RANBP17: variants seen among roughly 807,000 people sequenced by gnomAD.
The protein encoded by RANBP17 is ran-binding protein 17.
A neutral mutation model predicts 141.2 loss-of-function variants in RANBP17; 158 were observed. The observed-to-expected ratio is 1.12, with a 90% CI of 0.98 to 1.28. The LOEUF (loss-of-function observed/expected upper bound fraction) is 1.28, where lower values mean the gene tolerates loss of function less well. RANBP17 is among the 50% of genes most tolerant of loss of function. RANBP17 has a pLI of 0.00. For synonymous variants in RANBP17, 430 were observed against 450.0 expected, an observed-to-expected ratio of 0.96 and a Z score of 0.56; for missense variants, 1,438 against 1,290.7, an observed-to-expected ratio of 1.11 and a Z score of -1.75.
chr5:171,182,941 T>G (rs1760958507), intron 16 of RANBP17, among the ~76,000 whole-genome samples: 1 of 152,234 alleles, frequency 6.6e-6, no homozygotes, highest in Non-Finnish European at 1.5e-5. Flanking sequence ...AAATTCATTC[T>G]TTCTTTCCAT....
At chr5:171,094,778 GCTAT>G (rs756966506) in intron 14 of RANBP17, among the ~76,000 whole-genome samples, 6 of 152,246 alleles carry the variant, frequency 3.9e-5, no homozygotes, top group African/African-American at 7.2e-5. Context: ...TTCATTTTGT[GCTAT>G]CTAATTGCCA....
In RANBP17 at chr5:171,299,757, A is replaced by G. The variant is rs1416695683; in HGVS notation, c.*899A>G. 3 of 226,512 alleles carry G rather than the reference A, an allele frequency of 1.3e-5. No individual in the cohort carries two copies. The highest frequency in any genetic ancestry group is 5.7e-5 in the Admixed American group (1 of 17,538). The allele number at this position is 226,512 out of a possible 1,614,324, so 14.0% of individuals were successfully genotyped here. A position where few individuals can be genotyped will look rare whatever the true frequency, so the allele number is the denominator to read the frequency against. ...AATAGCTGGTTTCCAACTCTCCACA[A>G]AAACTCTTATTACTGTTGGGACTTG... On this transcript the variant is annotated 3_prime_UTR_variant, in exon 28 of 28. Coordinates refer to ENST00000523189, the MANE Select transcript of RANBP17 (RefSeq NM_022897.5).
intron 1 of RANBP17, among the ~76,000 whole-genome samples, chr5:170,867,411 CT>C (rs1396974818): frequency 3.9e-5 from 6 of 151,926 alleles, no homozygotes; most frequent in Non-Finnish European, 8.8e-5. Flanking sequence ...GGTGGAAATA[CT>C]TTTGTAAACT....
At chr5:171,239,098 A>G (rs1041029316) in intron 22 of RANBP17, among the ~76,000 whole-genome samples, 10 of 152,194 alleles carry the variant, frequency 6.6e-5, no homozygotes, top group African/African-American at 2.2e-4. Flanking sequence ...TTATGCAACT[A>G]TTGTTATCTC....
rs1173697219 is a variant in RANBP17, at chr5:171,220,441, CTTTTTTTT to C, written c.2340-1299_2340-1292del. Among the ~76,000 whole-genome samples the C allele has an allele frequency of 4.8e-4, 35 of 73,034 alleles. No homozygotes were observed. In the South Asian group the frequency reaches 0.016, roughly 34 times the overall value. 47.9% of individuals were successfully genotyped at this position (73,034 alleles called of 152,430 possible). A position where few individuals can be genotyped will look rare whatever the true frequency, so the allele number is the denominator to read the frequency against. Reference sequence around the variant, plus strand: ...CATCTTGGTCCCTCCCCAGATGATTCTTTTTTTTTTTTTTTTTTTTTTTTTGAGACAGA... The same window carrying C: ...CATCTTGGTCCCTCCCCAGATGATTCTTTTTTTTTTTTTTTTTGAGACAGA... On this transcript the variant is annotated intron_variant, in intron 21 of 27. Coordinates refer to ENST00000523189, the MANE Select transcript of RANBP17 (RefSeq NM_022897.5).
chr5:171,028,346 C>A (rs1380673013), intron 14 of RANBP17, among the ~76,000 whole-genome samples: 1 of 151,994 alleles, frequency 6.6e-6, no homozygotes, highest in Non-Finnish European at 1.5e-5. Context: ...TCAATAAGGA[C>A]ATTTTTATAC....
At chr5:171,238,613 A>G (rs1764688218) in intron 22 of RANBP17, among the ~76,000 whole-genome samples, 1 of 152,212 alleles carries the variant, frequency 6.6e-6, no homozygotes, top group Admixed American at 6.5e-5. Flanking sequence ...TTTTCATCAC[A>G]TGGGTATACA....
chr5:170,931,804 C>T (rs2127458783), intron 12 of RANBP17, among the ~76,000 whole-genome samples: 2 of 152,240 alleles, frequency 1.3e-5, no homozygotes, highest in East Asian at 3.9e-4. Context: ...GTTTTGGTTA[C>T]TGTAGCCTTG....
chr5:170,962,640 T>C (rs1030758575), intron 13 of RANBP17, among the ~76,000 whole-genome samples: 3 of 152,176 alleles, frequency 2.0e-5, no homozygotes, highest in Non-Finnish European at 2.9e-5. Context: ...GATTTTAAAA[T>C]TTAGCTTTAC....
intron 24 of RANBP17, among the ~76,000 whole-genome samples, chr5:171,249,941 C>T (rs1765449471): frequency 6.6e-6 from 1 of 152,160 alleles, no homozygotes; most frequent in Non-Finnish European, 1.5e-5. Context: ...GCAGAAGGGT[C>T]TTTTCCATGG....
Position 170,962,138 on chromosome 5 carries a change from T to C in RANBP17, c.1575-6104T>C, listed in dbSNP as rs1776197942. 2.0e-5 allele frequency among the ~76,000 whole-genome samples: 3 copies of C among 152,340 alleles called. No individual in the cohort carries two copies. The South Asian group carries it at 6.2e-4, about 32-fold the overall frequency. On this transcript the variant is annotated intron_variant, in intron 13 of 27. Transcript: ENST00000523189. ...GGAGCACCAACTAGCTTTAGGGAAC[T>C]ACCCTGGATTTTTGCTTGAGAGAGA...
chr5:171,111,551 A>G (rs1389854134), intron 14 of RANBP17, among the ~76,000 whole-genome samples: 2 of 152,066 alleles, frequency 1.3e-5, no homozygotes, highest in Non-Finnish European at 2.9e-5. Context: ...TCAGTCTTTC[A>G]GTGAGCCCCA....
chr5:171,041,691 AT>A (rs1295480722), intron 14 of RANBP17, among the ~76,000 whole-genome samples: 1 of 152,166 alleles, frequency 6.6e-6, no homozygotes, highest in African/African-American at 2.4e-5. Context: ...GTAAGTACTT[AT>A]GTATCTAATC....
chr5:171,076,023 T>A (rs1324818312), intron 14 of RANBP17, among the ~76,000 whole-genome samples: 1 of 152,116 alleles, frequency 6.6e-6, no homozygotes, highest in Non-Finnish European at 1.5e-5. Context: ...TCTCAATAAG[T>A]TGTTAAAAAA....
chr5:171,185,341 G>A (rs916964919), intron 18 of RANBP17, among the ~76,000 whole-genome samples: 18 of 152,172 alleles, frequency 1.2e-4, no homozygotes, highest in African/African-American at 3.6e-4. Context: ...CTTAAAAGAA[G>A]ACGACAATGA....
At chr5:171,253,100 A>C in intron 24 of RANBP17, 1 of 662,606 alleles carries the variant, frequency 1.5e-6, no homozygotes, top group Non-Finnish European at 2.7e-6. Context: ...CTCTGGGGGC[A>C]GTAGCACACT....
At chr5:170,945,668 TTGTC>T (rs1774692404) in intron 12 of RANBP17, among the ~76,000 whole-genome samples, 1 of 152,282 alleles carries the variant, frequency 6.6e-6, no homozygotes, top group Admixed American at 6.5e-5. Flanking sequence ...GGTGAGGTCT[TTGTC>T]TGTTTTCAGG....
At chr5:170,981,457 C>G (rs569902987) in intron 14 of RANBP17, among the ~76,000 whole-genome samples, 1 of 151,834 alleles carries the variant, frequency 6.6e-6, no homozygotes, top group Non-Finnish European at 1.5e-5. Context: ...TGAATTCTCA[C>G]GTGTTGTGGG....
At chr5:170,997,899 G>A (rs565624784) in intron 14 of RANBP17, among the ~76,000 whole-genome samples, 1 of 152,000 alleles carries the variant, frequency 6.6e-6, no homozygotes, top group Non-Finnish European at 1.5e-5. Flanking sequence ...ATTTTCCTCT[G>A]CTTTTCTGTA....
Sources: gnomAD v4.1 joint callset for allele counts (sites outside exome capture counted in the v4.1 genomes callset) on GRCh38, gnomAD v4.1.1 for gene constraint, MANE v1.5 for transcripts, NCBI Gene and HGNC (gene_info 2026-07-23, HGNC 2026-07-21) for gene names.